MYH14: variants seen among roughly 807,000 people sequenced by gnomAD.
MYH14 encodes the protein myosin heavy chain 14, also known as myosin-14.
Under a neutral mutation model 255.5 loss-of-function variants are expected in MYH14, and 123 were observed. The observed-to-expected ratio is 0.48, with a 90% CI of 0.42 to 0.56. The LOEUF is 0.56. Ranked by LOEUF, MYH14 falls within the 20% of genes least tolerant of loss-of-function variation. The pLI, the probability that MYH14 is intolerant of heterozygous loss-of-function variation, is 0.00. For missense variants in MYH14, 2,423 were observed against 2,802.3 expected, an observed-to-expected ratio of 0.86 and a Z score of 3.06; for synonymous variants, 1,095 against 1,161.2, an observed-to-expected ratio of 0.94 and a Z score of 1.16.
In MYH14 at chr19:50,250,258, G is replaced by A. The variant is rs1005380971; in HGVS notation, c.1657-257G>A. Among the ~76,000 whole-genome samples, 1 of 152,060 alleles carries A rather than the reference G, an allele frequency of 6.6e-6. No homozygotes were observed. The highest frequency in any genetic ancestry group is 2.4e-5 in the African/African-American group (1 of 41,412). The stretch of plus-strand genomic sequence containing the variant: ...TGGGACTACAGGTGCCCGCCACCAC[G>A]CCCGGCTAATTTTTTGTATTTTTAG... On this transcript the variant is annotated intron_variant, in intron 14 of 42. Coordinates refer to ENST00000642316, the MANE Select transcript of MYH14 (RefSeq NM_001145809.2). This position sits in a 1 kb window ranked among gnomAD's most constrained non-coding sequence, Gnocchi z 5.4.
chr19:50,297,380 C>T (rs2036306593), intron 39 of MYH14, among the ~76,000 whole-genome samples: 1 of 152,034 alleles, frequency 6.6e-6, no homozygotes, highest in Non-Finnish European at 1.5e-5. Flanking sequence ...CCTGGCTTCC[C>T]GTGGGTGCTG....
Position 50,247,178 on chromosome 19 carries a change from G to C in MYH14, c.1329+56G>C, listed in dbSNP as rs906152817. 3 of 1,251,836 alleles carry C rather than the reference G, an allele frequency of 2.4e-6. No homozygotes were observed. The African/African-American group carries it at 4.4e-5, about 19-fold the overall frequency. The allele number at this position is 1,251,836 out of a possible 1,614,324, so 77.5% of individuals were successfully genotyped here. On this transcript the variant is annotated intron_variant, in intron 12 of 42. Transcript: ENST00000642316. ...AAAGAGCCGCGCACCCCGGCCCTGG[G>C]TCTTTAAACAGTGTATGCTGTTTTT...
At chr19:50,297,623 G>A (rs944329206) in intron 39 of MYH14, among the ~76,000 whole-genome samples, 3 of 146,950 alleles carry the variant, frequency 2.0e-5, no homozygotes, top group Non-Finnish European at 4.5e-5. Flanking sequence ...TCAACCTCCC[G>A]AGTAGCTGGA....
At chr19:50,282,698 A>G (rs1601019344) in intron 33 of MYH14, among the ~76,000 whole-genome samples, 1 of 152,198 alleles carries the variant, frequency 6.6e-6, no homozygotes, top group Admixed American at 6.5e-5. Flanking sequence ...GCAAGACTCC[A>G]TCTCAAAAAA....
intron 39 of MYH14, 68 bp from the exon 40 acceptor site, chr19:50,301,593 C>T: frequency 3.2e-6 from 4 of 1,252,170 alleles, no homozygotes; most frequent in South Asian, 1.3e-5. Flanking sequence ...CTCAGAGGTG[C>T]CTGGATTTAC....
chr19:50,288,995 C>T (rs1336162352), intron 34 of MYH14, among the ~76,000 whole-genome samples: 3 of 152,096 alleles, frequency 2.0e-5, no homozygotes, highest in East Asian at 1.9e-4. Context: ...GATAGTGGGT[C>T]GGTGACACCC....
Position 50,280,451 on chromosome 19 carries a change from G to A in MYH14, c.4290+68G>A, listed in dbSNP as rs2035678797. 1.4e-6 allele frequency: 2 copies of A among 1,439,762 alleles called. No individual in the cohort carries two copies. Among genetic ancestry groups the A allele is most frequent in the Admixed American group, 2.5e-5 (1 of 39,720 alleles). The allele number at this position is 1,439,762 out of a possible 1,614,324, so 89.2% of individuals were successfully genotyped here. A position where few individuals can be genotyped will look rare whatever the true frequency, so the allele number is the denominator to read the frequency against. On this transcript the variant is annotated intron_variant, in intron 32 of 42. Transcript: ENST00000642316. The surrounding 1 kb of genome is among the most constrained non-coding windows in gnomAD (Gnocchi z 4.8). ...CTCACTGCTCCTCCTGGGTTCCCCAGCTCAGGGATGGCCATGCTGCCCACC... is the reference window on the plus strand; with the variant it reads ...CTCACTGCTCCTCCTGGGTTCCCCAACTCAGGGATGGCCATGCTGCCCACC...
In MYH14 at chr19:50,230,445, G is replaced by A; in HGVS notation, c.875-80G>A. 1 of 1,250,226 alleles carries A rather than the reference G, an allele frequency of 8.0e-7. No homozygotes were observed. Among genetic ancestry groups the A allele is most frequent in the Non-Finnish European group, 1.1e-6 (1 of 875,288 alleles). The allele number at this position is 1,250,226 out of a possible 1,614,324, so 77.4% of individuals were successfully genotyped here. A position where few individuals can be genotyped will look rare whatever the true frequency, so the allele number is the denominator to read the frequency against. On this transcript the variant is annotated intron_variant, in intron 8 of 42. Coordinates refer to ENST00000642316, the MANE Select transcript of MYH14 (RefSeq NM_001145809.2). The surrounding 1 kb of genome is among the most constrained non-coding windows in gnomAD (Gnocchi z 4.7). ...ACCACAGGAGAGAAGGGGGCAGCGT[G>A]GGCAGGGCAGGCTCCTGTAGTGGCC...
chr19:50,272,525 G>A (rs200741414), intron 26 of MYH14, 35 bp from the exon 27 acceptor site: 10 of 1,552,510 alleles, frequency 6.4e-6, no homozygotes, highest in Non-Finnish European at 8.7e-6. Context: ...TGCAGGCCTG[G>A]AGTCCTCATG....
intron 40 of MYH14, among the ~76,000 whole-genome samples, chr19:50,306,067 T>C (rs955085118): frequency 6.6e-6 from 1 of 152,008 alleles, no homozygotes; most frequent in Non-Finnish European, 1.5e-5. Flanking sequence ...TCATCTGAGG[T>C]TGGGAGTTCG....
rs1467326655 is a variant in MYH14 at position 50,225,662 on chromosome 19, C to T, written c.795C>T (p.Asp265=). The T allele has an allele frequency of 1.9e-6, 3 of 1,613,802 alleles. No homozygotes were observed. The highest frequency in any genetic ancestry group is 2.5e-6 in the Non-Finnish European group (3 of 1,179,828). The change falls in exon 7 of 43, where the codon GAC becomes GAT. Residue 265 remains aspartate, a synonymous_variant. Transcript: ENST00000642316. ...GCAATGCCAAGACAGTGAAGAATGA[C>T]AACTCCTCCCGATTCGTGAGTGCCA... is the stretch of plus-strand genomic sequence containing the variant. ...AFGNAKTVKN[D]NSSRFGKFIR...
chr19:50,245,277 G>A (rs1318132609), intron 11 of MYH14, among the ~76,000 whole-genome samples: 6 of 151,844 alleles, frequency 4.0e-5, no homozygotes, highest in Admixed American at 3.9e-4. Context: ...AAATTAACTG[G>A]GAATGGTGAT....
chr19:50,306,921 C>A (rs556026288), intron 40 of MYH14, 128 bp from the exon 41 acceptor site: 156 of 709,856 alleles, frequency 2.2e-4, no homozygotes, highest in Non-Finnish European at 3.6e-4. Context: ...CTGTGGGAAC[C>A]ACTTAGGGGT....
chr19:50,283,278 C>G (rs2035785326), intron 33 of MYH14, among the ~76,000 whole-genome samples: 1 of 152,118 alleles, frequency 6.6e-6, no homozygotes, highest in African/African-American at 2.4e-5. Flanking sequence ...CACCACCATG[C>G]CTGGCTAATT....
chr19:50,281,715 A>T lies in MYH14; in HGVS notation c.4412A>T (p.Glu1471Val). ...ACCCAGCGCCTGGCAGAAAAGACAG[A>T]GACCGTGGATCGGCTGGAGCGGGGC... is the stretch of plus-strand genomic sequence containing the variant. ...ALTQRLAEKT[E>V]TVDRLERGRR... is the part of the protein sequence containing the mutation. Residue 1471 changes from glutamate (E) to valine (V), a missense_variant, in exon 33 of 43, where the codon GAG (glutamate) becomes GTG (valine). By Grantham distance (121) the Glu-to-Val change is moderately radical. Transcript: ENST00000642316. The T allele has an allele frequency of 6.2e-7, 1 of 1,612,544 alleles. No individual in the cohort carries two copies. The highest frequency in any genetic ancestry group is 8.5e-7 in the Non-Finnish European group (1 of 1,179,694).
chr19:50,292,327 C>T lies in MYH14; in HGVS notation c.5194C>T (p.Gln1732Ter). ...TRTSREEIFS[Q>*]NRESEKRLKG... ...CACCTCCCGGGAGGAGATCTTCTCC[C>T]AGAATCGGGAAAGTGAAAAGCGCCT... The change falls in exon 37 of 43, where the codon CAG (glutamine) becomes TAG (stop). Residue 1732 changes from glutamine to a stop codon, truncating the protein, a stop_gained. Transcript: ENST00000642316. LOFTEE classifies it high-confidence loss of function. 6.3e-7 allele frequency: 1 copy of T among 1,596,524 alleles called. No homozygotes were observed. Among genetic ancestry groups the T allele is most frequent in the Non-Finnish European group, 8.5e-7 (1 of 1,172,138 alleles).
At chr19:50,291,710 CAAGA>C (rs768522986) in intron 36 of MYH14, among the ~76,000 whole-genome samples, 5 of 151,922 alleles carry the variant, frequency 3.3e-5, no homozygotes, top group Non-Finnish European at 7.4e-5. Flanking sequence ...ACTAAAAATA[CAAGA>C]ATTAGCCAGG....
Position 50,230,449 on chromosome 19 carries a change from A to G in MYH14, c.875-76A>G. 7.8e-7 allele frequency: 1 copy of G among 1,289,290 alleles called. No individual in the cohort carries two copies. Among genetic ancestry groups the G allele is most frequent in the Non-Finnish European group, 1.1e-6 (1 of 910,540 alleles). The allele number at this position is 1,289,290 out of a possible 1,614,324, so 79.9% of individuals were successfully genotyped here. ...CAGGAGAGAAGGGGGCAGCGTGGGC[A>G]GGGCAGGCTCCTGTAGTGGCCTGGC... is the stretch of plus-strand genomic sequence containing the variant. On this transcript the variant is annotated intron_variant, in intron 8 of 42. Coordinates refer to ENST00000642316, the MANE Select transcript of MYH14 (RefSeq NM_001145809.2). The surrounding 1 kb of genome is among the most constrained non-coding windows in gnomAD (Gnocchi z 4.7).
intron 8 of MYH14, among the ~76,000 whole-genome samples, chr19:50,228,999 G>A (rs1266610925): frequency 6.6e-6 from 1 of 152,114 alleles, no homozygotes; most frequent in African/African-American, 2.4e-5. Context: ...TGTGCCCACC[G>A]CCACCTCGAG....
Sources: allele counts gnomAD v4.1 joint callset (sites outside exome capture counted in the v4.1 genomes callset), GRCh38; gene constraint gnomAD v4.1.1; non-coding constraint Gnocchi (gnomAD v3.1); transcripts MANE v1.5; gene names NCBI Gene and HGNC (gene_info 2026-07-23, HGNC 2026-07-21).